The following ZC3H18 variants were observed in gnomAD, a reference collection of about 807,000 sequenced individuals.
ZC3H18 encodes zinc finger CCCH domain-containing protein 18.
In ZC3H18, 8 loss-of-function variants were observed where a neutral mutation model predicts 106.1. The ratio of observed to expected loss-of-function variants is 0.08; its 90% CI spans 0.04 to 0.14. The LOEUF is 0.14. ZC3H18 is among the 10% of genes least tolerant of loss of function. The pLI, the probability that ZC3H18 is intolerant of heterozygous loss-of-function variation, is 1.00. For synonymous variants in ZC3H18, 635 were observed against 522.1 expected, an observed-to-expected ratio of 1.22 and a Z score of -2.95; for missense variants, 1,318 against 1,278.4, an observed-to-expected ratio of 1.03 and a Z score of -0.47.
intron 8 of ZC3H18, among the ~76,000 whole-genome samples, chr16:88,614,518 C>T (rs533312320): frequency 1.3e-5 from 2 of 152,232 alleles, no homozygotes; most frequent in Non-Finnish European, 2.9e-5. Context: ...GTGGCAAGTG[C>T]CAGTTTTGAC....
chr16:88,625,075 G>GC lies in ZC3H18; in HGVS notation c.2043-124dup, dbSNP rs1906217430. The GC allele has an allele frequency of 2.7e-6, 3 of 1,123,668 alleles. 1 individual carries two copies. In the South Asian group the frequency reaches 4.2e-5, roughly 16 times the overall value. The allele number at this position is 1,123,668 out of a possible 1,614,324, so 69.6% of individuals were successfully genotyped here. A position where few individuals can be genotyped will look rare whatever the true frequency, so the allele number is the denominator to read the frequency against. The stretch of plus-strand genomic sequence containing the variant: ...TGAGCCTAAAGGAAGACAGGCCCAG[G>GC]CCCTGTTCCAAGGTGGTAGCAAGGC... On this transcript the variant is annotated intron_variant, in intron 12 of 17. Coordinates refer to ENST00000301011, the MANE Select transcript of ZC3H18 (RefSeq NM_144604.4).
intron 3 of ZC3H18, among the ~76,000 whole-genome samples, chr16:88,593,808 C>A (rs1422304527): frequency 6.6e-6 from 1 of 152,194 alleles, no homozygotes. Flanking sequence ...TTGGAGCTTT[C>A]AGTTGAAAAT....
chr16:88,578,809 G>A (rs1324781972), intron 2 of ZC3H18, among the ~76,000 whole-genome samples: 1 of 152,160 alleles, frequency 6.6e-6, no homozygotes, highest in Non-Finnish European at 1.5e-5. Context: ...TCCTGCCTCA[G>A]CCTCCTGAGT....
At chr16:88,623,727 C>G (rs985897042) in intron 10 of ZC3H18, 4 of 698,992 alleles carry the variant, frequency 5.7e-6, no homozygotes, top group African/African-American at 1.8e-5. Context: ...GAACGTGACA[C>G]TCGCCTCCCG....
intron 8 of ZC3H18, among the ~76,000 whole-genome samples, chr16:88,616,412 A>G (rs939497481): frequency 6.6e-6 from 1 of 152,188 alleles, no homozygotes; most frequent in Non-Finnish European, 1.5e-5. Flanking sequence ...CGGAGCTGCC[A>G]GCAGCAGGGC....
intron 13 of ZC3H18, among the ~76,000 whole-genome samples, chr16:88,626,905 C>T (rs1015440254): frequency 1.3e-5 from 2 of 152,190 alleles, no homozygotes; most frequent in African/African-American, 2.4e-5. Flanking sequence ...GTTCCTCAGG[C>T]ATTCCCTGAG....
In ZC3H18 at chr16:88,628,748, C is replaced by T; in HGVS notation, c.2470-10C>T. ...CCCTGCTGTCCTCACTGGCCTCTCT[C>T]TTGTCCCAGGCGGCTGATAAAGGAA... is the stretch of plus-strand genomic sequence containing the variant. On this transcript the variant is annotated splice_polypyrimidine_tract_variant and intron_variant, in intron 15 of 17. Transcript: ENST00000301011. 6.2e-7 allele frequency: 1 copy of T among 1,613,898 alleles called. No individual in the cohort carries two copies. Among genetic ancestry groups the T allele is most frequent in the Non-Finnish European group, 8.5e-7 (1 of 1,179,882 alleles).
intron 3 of ZC3H18, among the ~76,000 whole-genome samples, chr16:88,594,941 C>T (rs1332046267): frequency 6.6e-6 from 1 of 152,080 alleles, no homozygotes; most frequent in East Asian, 1.9e-4. Context: ...CACCTGAGGT[C>T]GCAAGCTCAA....
In ZC3H18 at chr16:88,577,225, C is replaced by T. The variant is rs34829088; in HGVS notation, c.102C>T (p.Ser34=). The T allele has an allele frequency of 0.012, 19,965 of 1,612,538 alleles. 161 individuals are homozygous for T. Among genetic ancestry groups the T allele is most frequent in the Non-Finnish European group, 0.016 (18,575 of 1,179,536 alleles). ...SDDDILRDSG[S]DQDLDGAGVR... is the part of the protein sequence containing the mutation. Reference sequence around the variant, plus strand: ...ATGACATTCTGAGGGACAGCGGGTCCGATCAGGATTTGGACGGGGCGGGGG... The same window carrying T: ...ATGACATTCTGAGGGACAGCGGGTCTGATCAGGATTTGGACGGGGCGGGGG... Residue 34 remains serine (S), a synonymous_variant, in exon 2 of 18, where the codon TCC becomes TCT. Coordinates refer to ENST00000301011, the MANE Select transcript of ZC3H18 (RefSeq NM_144604.4).
intron 3 of ZC3H18, among the ~76,000 whole-genome samples, chr16:88,589,594 C>T (rs59489106): frequency 0.017 from 2,648 of 152,168 alleles, 152 homozygotes; most frequent in East Asian, 0.14. Context: ...CAGATTGTGA[C>T]TCACGCCGCA....
intron 8 of ZC3H18, among the ~76,000 whole-genome samples, chr16:88,620,231 G>A (rs1905874619): frequency 6.6e-6 from 1 of 152,246 alleles, no homozygotes; most frequent in Admixed American, 6.5e-5. Flanking sequence ...AGAGCCAGAG[G>A]TGAGCAAGAC....
intron 1 of ZC3H18, among the ~76,000 whole-genome samples, chr16:88,571,418 G>T (rs1463339592): frequency 1.3e-5 from 2 of 152,232 alleles, no homozygotes; most frequent in South Asian, 2.1e-4. Flanking sequence ...CCAGCCTGTT[G>T]TCTGTAGAGT....
intron 2 of ZC3H18, among the ~76,000 whole-genome samples, chr16:88,586,083 GGTT>G (rs1915415192): frequency 6.6e-6 from 1 of 152,096 alleles, no homozygotes; most frequent in Non-Finnish European, 1.5e-5. Context: ...AGAGCTCCTG[GGTT>G]GTTCTAAGAC....
chr16:88,598,020 A>C (rs1904532175), intron 3 of ZC3H18, among the ~76,000 whole-genome samples, 158 bp from the exon 4 acceptor site: 1 of 152,130 alleles, frequency 6.6e-6, no homozygotes, highest in Non-Finnish European at 1.5e-5. Context: ...CTCCAGGCTC[A>C]TCCCGCCCAC....
chr16:88,579,597 C>A lies in ZC3H18; in HGVS notation c.603+1871C>A, dbSNP rs550042299. On this transcript the variant is annotated intron_variant, in intron 2 of 17. Transcript: ENST00000301011. ...TGCTCTGGAGAATGGCCCTGGCTGC[C>A]AAGGGCCTGGACATGCTGGTTTCCC... Among the ~76,000 whole-genome samples the A allele has an allele frequency of 5.9e-5, 9 of 152,296 alleles. No individual in the cohort carries two copies. The South Asian group carries it at 1.5e-3, about 25-fold the overall frequency.
intron 7 of ZC3H18, 59 bp downstream of exon 7, chr16:88,609,110 C>G (rs1905152949): frequency 5.0e-6 from 7 of 1,406,614 alleles, no homozygotes; most frequent in Non-Finnish European, 6.9e-6. Flanking sequence ...CAAGTTATCC[C>G]TTTTTATTTA....
At position 88,624,044 on chromosome 16, in the gene ZC3H18, C is replaced by T. The variant is rs149462173; in HGVS notation, c.1880C>T (p.Pro627Leu). Residue 627 changes from proline to leucine, a missense_variant, in exon 11 of 18, where the codon CCG becomes CTG. By Grantham distance (98) the Pro-to-Leu change is moderately conservative. This residue lies in a region of ZC3H18 where 848 missense variants were observed against 821.7 expected (regional missense o/e 1.03). Coordinates refer to ENST00000301011, the MANE Select transcript of ZC3H18 (RefSeq NM_144604.4). ...PSIRTKGEPA[P>L]PPGKAGEKSV... ...ATCAGAACCAAGGGAGAGCCGGCCCCGCCGCCCGGGAAAGCAGGGTGAGTG... is the reference window on the plus strand; with the variant it reads ...ATCAGAACCAAGGGAGAGCCGGCCCTGCCGCCCGGGAAAGCAGGGTGAGTG... 21 of 1,614,080 alleles carry T rather than the reference C, an allele frequency of 1.3e-5. No individual in the cohort carries two copies. The highest frequency in any genetic ancestry group is 4.5e-5 in the East Asian group (2 of 44,886).
chr16:88,618,642 G>A (rs980305307), intron 8 of ZC3H18, among the ~76,000 whole-genome samples: 5 of 152,144 alleles, frequency 3.3e-5, no homozygotes, highest in African/African-American at 1.2e-4. Context: ...GTCTGCCTCT[G>A]GCATGTTTGC....
intron 2 of ZC3H18, among the ~76,000 whole-genome samples, chr16:88,579,262 G>A (rs1022043943): frequency 3.3e-5 from 5 of 152,178 alleles, no homozygotes; most frequent in Admixed American, 6.5e-5. Context: ...AAGGAGAGAC[G>A]GTGAGATTCA....
Sources: allele counts gnomAD v4.1 joint callset (sites outside exome capture counted in the v4.1 genomes callset), GRCh38; gene constraint gnomAD v4.1.1; regional missense constraint gnomAD v4.1.1; transcripts MANE v1.5; gene names NCBI Gene and HGNC (gene_info 2026-07-23, HGNC 2026-07-21).